NAV2: variants seen among roughly 807,000 people sequenced by gnomAD.
The protein encoded by NAV2 is helicase, APC down-regulated 1.
A neutral mutation model predicts 223.2 loss-of-function variants in NAV2; 54 were observed. The observed-to-expected ratio is 0.24, with a 90% CI of 0.19 to 0.30. NAV2 has a LOEUF of 0.30. Among genes scored for constraint, NAV2 ranks in the 10% least tolerant of loss-of-function variants. The probability of loss-of-function intolerance (pLI) is 1.00; values close to 1 mark genes in which losing one functional copy is unlikely to be tolerated. For missense variants in NAV2, 2,806 were observed against 3,147.5 expected, an observed-to-expected ratio of 0.89 and a Z score of 2.60; for synonymous variants, 1,279 against 1,239.3, an observed-to-expected ratio of 1.03 and a Z score of -0.67.
chr11:19,596,634 C>T (rs894086512), intron 1 of NAV2, among the ~76,000 whole-genome samples: 4 of 152,212 alleles, frequency 2.6e-5, no homozygotes, highest in Admixed American at 6.5e-5. Flanking sequence ...AGAACCAGCT[C>T]GCTGGGTTTG....
intron 1 of NAV2, among the ~76,000 whole-genome samples, chr11:19,394,611 A>C (rs1234736586): frequency 6.6e-6 from 1 of 152,184 alleles, no homozygotes; most frequent in East Asian, 1.9e-4. Context: ...TCAAACAGGG[A>C]TATGATGACA....
upstream of NAV2, among the ~76,000 whole-genome samples, chr11:19,350,176 A>C (rs572377259): frequency 1.1e-4 from 16 of 152,190 alleles, no homozygotes; most frequent in African/African-American, 2.9e-4. Flanking sequence ...GCTTATTTCC[A>C]GAACGTGAGA....
intron 17 of NAV2, among the ~76,000 whole-genome samples, chr11:20,053,361 T>C (rs16937384): frequency 0.017 from 2,660 of 152,064 alleles, 79 homozygotes; most frequent in African/African-American, 0.061. Flanking sequence ...CTTCCCTGAA[T>C]GTAAAATAGG....
At chr11:19,766,982 T>G (rs1357609428) in intron 1 of NAV2, among the ~76,000 whole-genome samples, 2 of 152,198 alleles carry the variant, frequency 1.3e-5, no homozygotes, top group South Asian at 4.1e-4. Context: ...CCTTGAGTTT[T>G]GGCTCATAGT....
intron 1 of NAV2, among the ~76,000 whole-genome samples, chr11:19,619,327 A>G (rs1191083755): frequency 3.9e-5 from 6 of 152,134 alleles, no homozygotes; most frequent in Admixed American, 3.9e-4. Context: ...TCCTTGAGGA[A>G]TCACCACACT....
chr11:19,483,811 C>T (rs1417514280), intron 1 of NAV2, among the ~76,000 whole-genome samples: 1 of 152,090 alleles, frequency 6.6e-6, no homozygotes, highest in Non-Finnish European at 1.5e-5. Flanking sequence ...GAAATGCATC[C>T]CGCAAGGTTA....
intron 1 of NAV2, among the ~76,000 whole-genome samples, chr11:19,638,622 A>G (rs2047570475): frequency 6.6e-6 from 1 of 152,212 alleles, no homozygotes; most frequent in African/African-American, 2.4e-5. Flanking sequence ...ATTTTCTATT[A>G]TCATCTTCAT....
At chr11:19,916,219 A>G (rs951392732) in intron 6 of NAV2, among the ~76,000 whole-genome samples, 5 of 152,346 alleles carry the variant, frequency 3.3e-5, no homozygotes, top group African/African-American at 9.6e-5. Flanking sequence ...AGTAACATCC[A>G]CCATTTAACT....
At chr11:20,033,663 T>C (rs1303663570) in intron 11 of NAV2, among the ~76,000 whole-genome samples, 1 of 152,226 alleles carries the variant, frequency 6.6e-6, no homozygotes, top group East Asian at 1.9e-4. Context: ...TTCTGTGCGA[T>C]GTTCCAGGTT....
rs146481771 is a variant in NAV2, at chr11:19,399,228, T to C, written c.75+48201T>C. Among the ~76,000 whole-genome samples, 290 of 152,220 alleles carry C rather than the reference T, an allele frequency of 1.9e-3. 2 individuals are homozygous for C. The highest frequency in any genetic ancestry group is 6.7e-3 in the African/African-American group (277 of 41,546). Reference sequence around the variant, plus strand: ...TTAGGCTGAGTGTCCGTGATGAATTTTGCAAGAAAAAAATCAGAACTCCCT... The same window carrying C: ...TTAGGCTGAGTGTCCGTGATGAATTCTGCAAGAAAAAAATCAGAACTCCCT... On this transcript the variant is annotated intron_variant, in intron 1 of 37. Coordinates refer to the NAV2 transcript ENST00000360655.
chr11:19,688,607 G>T (rs2049085852), intron 1 of NAV2, among the ~76,000 whole-genome samples: 1 of 152,206 alleles, frequency 6.6e-6, no homozygotes, highest in African/African-American at 2.4e-5. Context: ...TCAAAGACAA[G>T]CTCTGCTATC....
At chr11:19,843,601 G>C (rs936467326) in intron 3 of NAV2, among the ~76,000 whole-genome samples, 1 of 151,966 alleles carries the variant, frequency 6.6e-6, no homozygotes, top group African/African-American at 2.4e-5. Context: ...CATTGGCTTA[G>C]TTTTTCACTT....
At chr11:20,013,474 CT>C (rs11357743) in intron 11 of NAV2, among the ~76,000 whole-genome samples, 141,418 of 148,832 alleles carry the variant, frequency 0.95, 67,279 homozygotes, top group East Asian at 1. Flanking sequence ...CTTTGCCAAA[CT>C]TTTTTTTTTT....
chr11:19,731,311 A>T (rs186948682), intron 1 of NAV2, among the ~76,000 whole-genome samples: 11 of 152,314 alleles, frequency 7.2e-5, no homozygotes, highest in Middle Eastern at 3.4e-3. Context: ...CCCTTCTAGG[A>T]GCTGCAGCTT....
chr11:19,392,359 A>G (rs1399221168), intron 1 of NAV2, among the ~76,000 whole-genome samples: 1 of 148,684 alleles, frequency 6.7e-6, no homozygotes, highest in Non-Finnish European at 1.5e-5. Flanking sequence ...GGAATATACA[A>G]TTTGAGCAGG....
chr11:19,724,230 G>A (rs2051032949), intron 1 of NAV2, among the ~76,000 whole-genome samples: 1 of 152,210 alleles, frequency 6.6e-6, no homozygotes, highest in Non-Finnish European at 1.5e-5. Context: ...CCTTCTGACT[G>A]TGGACCAGTA....
intron 1 of NAV2, among the ~76,000 whole-genome samples, chr11:19,663,676 A>C (rs981751849): frequency 3.3e-5 from 5 of 152,182 alleles, no homozygotes; most frequent in African/African-American, 1.2e-4. Context: ...CCTTCCTTTC[A>C]GATGAACATA....
intron 22 of NAV2, among the ~76,000 whole-genome samples, chr11:20,072,306 T>G (rs537726962): frequency 6.6e-6 from 1 of 152,242 alleles, no homozygotes; most frequent in East Asian, 1.9e-4. Flanking sequence ...TATATCTGTT[T>G]TGGTACCAGT....
At chr11:19,622,463 A>T (rs2047026961) in intron 1 of NAV2, among the ~76,000 whole-genome samples, 2 of 152,198 alleles carry the variant, frequency 1.3e-5, no homozygotes. Context: ...GTATATATTT[A>T]GGATAGTTAG....
Sources: allele counts gnomAD v4.1 joint callset (sites outside exome capture counted in the v4.1 genomes callset), GRCh38; gene constraint gnomAD v4.1.1; transcripts MANE v1.5; gene names NCBI Gene and HGNC (gene_info 2026-07-23, HGNC 2026-07-21).